The following DHX9 variants were observed in gnomAD, a reference collection of about 807,000 sequenced individuals.
DHX9 encodes DExH-box helicase 9, also known as ATP-dependent RNA helicase A.
Under a neutral mutation model 148.7 loss-of-function variants are expected in DHX9, and 27 were observed. The observed-to-expected ratio is 0.18, with a 90% CI of 0.13 to 0.25. DHX9 has a LOEUF of 0.25. DHX9 is among the 10% of genes least tolerant of loss of function. The probability of loss-of-function intolerance (pLI) is 1.00; values close to 1 mark genes in which losing one functional copy is unlikely to be tolerated. For missense variants in DHX9, 796 were observed against 1,559.6 expected (o/e 0.51, Z 8.25); for synonymous variants, 529 against 516.6 (o/e 1.02, Z -0.33).
At chr1:182,859,620 G>T (rs1158976219) in intron 11 of DHX9, among the ~76,000 whole-genome samples, 2 of 151,966 alleles carry the variant, frequency 1.3e-5, no homozygotes, top group African/African-American at 4.8e-5. Flanking sequence ...TTTTTTGTTT[G>T]TTTTTTTCTT....
At chr1:182,869,787 CAG>C (rs1433224702) in intron 14 of DHX9, among the ~76,000 whole-genome samples, 1 of 152,188 alleles carries the variant, frequency 6.6e-6, no homozygotes, top group Non-Finnish European at 1.5e-5. Flanking sequence ...TTAGTAGAGA[CAG>C]GGTTTCACCA....
In DHX9 at chr1:182,883,212, C is replaced by G. The variant is rs757746413; in HGVS notation, c.2988C>G (p.Ala996=). The G allele has an allele frequency of 4.3e-6, 7 of 1,614,124 alleles. No homozygotes were observed. Among genetic ancestry groups the G allele is most frequent in the East Asian group, 4.5e-5 (2 of 44,866 alleles). The change falls in exon 25 of 28, where the codon GCC becomes GCG. Residue 996 remains alanine (A), a synonymous_variant. Coordinates refer to ENST00000367549, the MANE Select transcript of DHX9 (RefSeq NM_001357.5). ...NNLDVVISLL[A]FGVYPNVCYH... The stretch of plus-strand genomic sequence containing the variant: ...TGGATGTTGTTATCTCCCTCCTGGC[C>G]TTTGGTGTGTACCCCAATGTATGCT...
chr1:182,870,290 T>C (rs1648502909), intron 14 of DHX9, among the ~76,000 whole-genome samples: 1 of 152,242 alleles, frequency 6.6e-6, no homozygotes, highest in African/African-American at 2.4e-5. Context: ...CAGTAAGGTT[T>C]TCCATATAAC....
intron 15 of DHX9, among the ~76,000 whole-genome samples, 165 bp downstream of exon 15, chr1:182,872,658 A>G (rs1172143559): frequency 6.6e-6 from 1 of 152,212 alleles, no homozygotes; most frequent in Non-Finnish European, 1.5e-5. Flanking sequence ...CTGTTATTTT[A>G]TACAGTAGTG....
intron 15 of DHX9, among the ~76,000 whole-genome samples, chr1:182,872,878 T>G (rs537412646): frequency 6.6e-6 from 1 of 152,352 alleles, no homozygotes; most frequent in Admixed American, 6.5e-5. Context: ...TTTTAGAGCC[T>G]GAGCAACTAG....
intron 3 of DHX9, among the ~76,000 whole-genome samples, chr1:182,848,991 C>G (rs1668081038): frequency 1.3e-5 from 2 of 152,318 alleles, no homozygotes; most frequent in East Asian, 3.9e-4. Context: ...CCTCATGATC[C>G]AGTTACTTCT....
At chr1:182,876,576 G>GT in intron 18 of DHX9, 35 bp downstream of exon 18, 2 of 1,556,032 alleles carry the variant, frequency 1.3e-6, no homozygotes, top group East Asian at 4.5e-5. Flanking sequence ...GGGATTGGAA[G>GT]TGACGTAGAT....
In DHX9 at chr1:182,852,222, T is replaced by C. The variant is rs369131370; in HGVS notation, c.253-11T>C. ...AAGCACTGACAGCTGCCTTGACTTT[T>C]TCTTTTGCAGGTAGCATCTCCGCCC... On this transcript the variant is annotated splice_polypyrimidine_tract_variant and intron_variant, in intron 3 of 27. Coordinates refer to ENST00000367549, the MANE Select transcript of DHX9 (RefSeq NM_001357.5). The C allele has an allele frequency of 2.8e-5, 44 of 1,591,562 alleles. No individual in the cohort carries two copies. The African/African-American group carries it at 6.0e-4, about 22-fold the overall frequency.
intron 14 of DHX9, among the ~76,000 whole-genome samples, chr1:182,869,920 T>C (rs976856831): frequency 6.6e-6 from 1 of 152,230 alleles, no homozygotes; most frequent in Non-Finnish European, 1.5e-5. Context: ...TTTCTTGTTC[T>C]CTTTCAAGAT....
Position 182,881,713 on chromosome 1 carries a change from G to A in DHX9, c.2914+66G>A. ...TTTATATAGTACATGCAAATTGACA[G>A]CAAAGTGTATTTTAGTTTCAAATTT... is the stretch of plus-strand genomic sequence containing the variant. On this transcript the variant is annotated intron_variant, in intron 24 of 27. Coordinates refer to ENST00000367549, the MANE Select transcript of DHX9 (RefSeq NM_001357.5). 6 of 1,482,612 alleles carry A rather than the reference G, an allele frequency of 4.0e-6. No homozygotes were observed. In the South Asian group the frequency reaches 8.3e-5, roughly 20 times the overall value. 91.8% of individuals were successfully genotyped at this position (1,482,612 alleles called of 1,614,324 possible).
intron 6 of DHX9, among the ~76,000 whole-genome samples, chr1:182,854,382 TAAG>T (rs1481417669): frequency 6.6e-6 from 1 of 152,248 alleles, no homozygotes; most frequent in South Asian, 2.1e-4. Flanking sequence ...TTTAGCTGTG[TAAG>T]AAGTTCAGCG....
rs6677840 is a variant in DHX9, at chr1:182,881,592, T to C, written c.2859T>C (p.Thr953=). 1,609,278 of 1,612,910 alleles carry C rather than the reference T, an allele frequency of 1. 802,885 individuals carry two copies. The highest frequency in any genetic ancestry group is 1 in the East Asian group (44,871 of 44,872). ...TTAATATGGCTACACTAAGAATGACTTGGGAAGCCAAAGTTCAGCTCAAAG... is the reference window on the plus strand; with the variant it reads ...TTAATATGGCTACACTAAGAATGACCTGGGAAGCCAAAGTTCAGCTCAAAG... ...KRLNMATLRM[T]WEAKVQLKEI... The change falls in exon 24 of 28, where the codon ACT becomes ACC. Residue 953 remains threonine (T), a synonymous_variant. Coordinates refer to ENST00000367549, the MANE Select transcript of DHX9 (RefSeq NM_001357.5).
At chr1:182,854,286 A>G (rs1668214131) in intron 6 of DHX9, 108 bp downstream of exon 6, 3 of 1,019,736 alleles carry the variant, frequency 2.9e-6, no homozygotes, top group Non-Finnish European at 4.2e-6. Context: ...TGTGTGGATT[A>G]GAATTGAATT....
At chr1:182,841,135 CA>C (rs1309741281) in intron 1 of DHX9, among the ~76,000 whole-genome samples, 1 of 151,866 alleles carries the variant, frequency 6.6e-6, no homozygotes, top group Non-Finnish European at 1.5e-5. Context: ...ACTAAAAATA[CA>C]AAAAATTAGC....
At chr1:182,857,435 C>G (rs1226353269) in intron 7 of DHX9, among the ~76,000 whole-genome samples, 2 of 152,220 alleles carry the variant, frequency 1.3e-5, no homozygotes, top group African/African-American at 4.8e-5. Context: ...AGCCCTCTGG[C>G]CAGATCCAGC....
chr1:182,886,243 T>G (rs1649321583), intron 27 of DHX9, among the ~76,000 whole-genome samples: 1 of 152,008 alleles, frequency 6.6e-6, no homozygotes, highest in Admixed American at 6.6e-5. Flanking sequence ...TTGTCCAGGC[T>G]GGAGTGCAGT....
chr1:182,878,238 G>C (rs1648913238), intron 20 of DHX9, 65 bp downstream of exon 20: 23 of 1,558,666 alleles, frequency 1.5e-5, no homozygotes, highest in Non-Finnish European at 1.9e-5. Context: ...ACAGATGTGT[G>C]CAGTTATGTA....
intron 7 of DHX9, among the ~76,000 whole-genome samples, chr1:182,857,108 A>C (rs1444981300): frequency 1.3e-5 from 2 of 152,130 alleles, no homozygotes; most frequent in African/African-American, 4.8e-5. Context: ...CAGCCTCCCA[A>C]AGTGCTGGGA....
intron 3 of DHX9, among the ~76,000 whole-genome samples, chr1:182,851,743 T>C (rs1333461432): frequency 2.0e-5 from 3 of 152,196 alleles, no homozygotes; most frequent in Non-Finnish European, 4.4e-5. Context: ...AATTAAACTT[T>C]CTTAATACGT....
Sources: allele counts gnomAD v4.1 joint callset (sites outside exome capture counted in the v4.1 genomes callset), GRCh38; gene constraint gnomAD v4.1.1; transcripts MANE v1.5; gene names NCBI Gene and HGNC (gene_info 2026-07-23, HGNC 2026-07-21).